Variants in C11orf91 observed in about 807,000 individuals in gnomAD.
The protein encoded by C11orf91 is uncharacterized protein C11orf91.
C11orf91 carries 10 observed loss-of-function variants against 14.3 expected under a neutral mutation model. The ratio of observed to expected loss-of-function variants is 0.70; its 90% CI spans 0.43 to 1.18. The LOEUF (loss-of-function observed/expected upper bound fraction) is 1.18, where lower values mean the gene tolerates loss of function less well. C11orf91 is among the 50% of genes most tolerant of loss of function. The probability of loss-of-function intolerance (pLI) is 0.00; values close to 1 mark genes in which losing one functional copy is unlikely to be tolerated. For synonymous variants in C11orf91, 141 were observed against 130.6 expected, an observed-to-expected ratio of 1.08 and a Z score of -0.54; for missense variants, 236 against 269.0, an observed-to-expected ratio of 0.88 and a Z score of 0.86.
At chr11:33,701,182 A>G (rs1488405667), upstream of C11orf91, among the ~76,000 whole-genome samples, 1 of 152,244 alleles carries the variant, frequency 6.6e-6, no homozygotes, top group Admixed American at 6.5e-5. Context: ...TGGCCCCTGC[A>G]CCAGCAGACT....
At chr11:33,705,585 CA>C (rs984994021), upstream of C11orf91, 4 of 152,266 alleles carry the variant, frequency 2.6e-5, no homozygotes, top group African/African-American at 9.7e-5. Context: ...GGCCTTTGGC[CA>C]CAGACTGAAG....
At position 33,699,370 on chromosome 11, in the gene C11orf91, G is replaced by T. The variant is rs575792763; in HGVS notation, c.497-856C>A. On this transcript the variant is annotated intron_variant, in intron 1 of 1. Coordinates refer to ENST00000379011, the MANE Select transcript of C11orf91 (RefSeq NM_001166692.2). ...GAAGCCAACTTAAGCCGTTATATAC[G>T]ATAGTTGGAATGATCTTTTTAGAAC... Among the ~76,000 whole-genome samples, 3 of 152,228 alleles carry T rather than the reference G, an allele frequency of 2.0e-5. No individual in the cohort carries two copies. In the East Asian group the frequency reaches 5.8e-4, roughly 29 times the overall value.
At chr11:33,699,943 A>C (rs1040964752) in intron 1 of C11orf91, among the ~76,000 whole-genome samples, 10 of 151,444 alleles carry the variant, frequency 6.6e-5, no homozygotes, top group African/African-American at 2.5e-4. Context: ...AAAGTTCAGG[A>C]CGGGGTGGTG....
At position 33,700,522 on chromosome 11, in the gene C11orf91, C is replaced by T; in HGVS notation, c.219G>A (p.Ala73=). ...GGCCGGGTGGTGGCGGGGGCGGGGG[C>T]GCCGGGGCGGGGAGCGCCTGGGACA... ...RSLSQALPAP[A]PPPPPPPGLG... is the part of the protein sequence containing the mutation. The change falls in exon 1 of 2, where the codon GCG becomes GCA. Residue 73 remains alanine, a synonymous_variant. Coordinates refer to ENST00000379011, the MANE Select transcript of C11orf91 (RefSeq NM_001166692.2). 2 of 1,303,442 alleles carry T rather than the reference C, an allele frequency of 1.5e-6. No homozygotes were observed. Among genetic ancestry groups the T allele is most frequent in the East Asian group, 3.3e-5 (1 of 29,992 alleles). The allele number at this position is 1,303,442 out of a possible 1,614,324, so 80.7% of individuals were successfully genotyped here.
chr11:33,699,687 G>T (rs965194613), intron 1 of C11orf91: 1 of 455,418 alleles, frequency 2.2e-6, no homozygotes. Context: ...CAAGGCCACA[G>T]AGTCCCAGGG....
At chr11:33,702,104 A>G (rs1853137340), upstream of C11orf91, among the ~76,000 whole-genome samples, 1 of 152,116 alleles carries the variant, frequency 6.6e-6, no homozygotes, top group Non-Finnish European at 1.5e-5. Context: ...GTTTATTCAT[A>G]CAAGTGATCA....
chr11:33,699,250 A>T (rs1271410709), intron 1 of C11orf91, among the ~76,000 whole-genome samples: 1 of 152,166 alleles, frequency 6.6e-6, no homozygotes, highest in Non-Finnish European at 1.5e-5. Context: ...GAAAGGGTGC[A>T]TTACAGTGTG....
chr11:33,700,814 T>A lies in C11orf91; in HGVS notation c.-74A>T. 2 of 1,238,956 alleles carry A rather than the reference T, an allele frequency of 1.6e-6. No homozygotes were observed. Among genetic ancestry groups the A allele is most frequent in the East Asian group, 3.2e-5 (1 of 31,606 alleles). 76.7% of individuals were successfully genotyped at this position (1,238,956 alleles called of 1,614,324 possible). A position where few individuals can be genotyped will look rare whatever the true frequency, so the allele number is the denominator to read the frequency against. On this transcript the variant is annotated 5_prime_UTR_variant, in exon 1 of 2. Transcript: ENST00000379011. ...CGCTCAGGCCCCGAGTCGCCGGGGT[T>A]TCGAGGTTCCACAAGCCCCGCCCCG...
chr11:33,702,680 CT>C (rs766040246), upstream of C11orf91: 7 of 339,350 alleles, frequency 2.1e-5, no homozygotes, highest in Middle Eastern at 3.7e-4. Context: ...GCGTAATAAA[CT>C]TTGTCTTCTG....
upstream of C11orf91, chr11:33,703,193 T>A (rs989363831): frequency 6.6e-6 from 1 of 151,872 alleles, no homozygotes. Flanking sequence ...AGCCAGGGGG[T>A]TAAATAAGAA....
chr11:33,700,115 A>T, intron 1 of C11orf91, 130 bp downstream of exon 1: 3 of 970,938 alleles, frequency 3.1e-6, no homozygotes, highest in South Asian at 3.4e-5. Flanking sequence ...GTGCTAGGGG[A>T]TAGATTTTGG....
intron 1 of C11orf91, chr11:33,699,589 C>T (rs973269472): frequency 2.2e-6 from 1 of 456,184 alleles, no homozygotes; most frequent in South Asian, 1.5e-5. Context: ...GGATCCTGCC[C>T]GCATCAGCAC....
At chr11:33,701,754 AGTGTGTGT>A (rs35903408), upstream of C11orf91, among the ~76,000 whole-genome samples, 28 of 149,026 alleles carry the variant, frequency 1.9e-4, no homozygotes, top group African/African-American at 5.9e-4. Flanking sequence ...CACAGTGCAA[AGTGTGTGT>A]GTGTGTGTGT....
chr11:33,700,852 C>G, upstream of C11orf91: 1 of 1,050,604 alleles, frequency 9.5e-7, no homozygotes, highest in Non-Finnish European at 1.2e-6. Context: ...GGAGCGCGGC[C>G]CCACCCTTTC....
chr11:33,701,353 G>T (rs1038691212), upstream of C11orf91, among the ~76,000 whole-genome samples: 8 of 152,256 alleles, frequency 5.3e-5, no homozygotes, highest in African/African-American at 1.9e-4. Flanking sequence ...TAGCAGTGTT[G>T]AGGAAGATTC....
chr11:33,700,152 A>G (rs1853096222), intron 1 of C11orf91, 93 bp downstream of exon 1: 8 of 1,379,834 alleles, frequency 5.8e-6, no homozygotes, highest in Non-Finnish European at 6.7e-6. Context: ...GGCTGGAGTC[A>G]AACCAGGCTA....
At chr11:33,704,381 G>T (rs146600210), upstream of C11orf91, 1 of 152,242 alleles carries the variant, frequency 6.6e-6, no homozygotes, top group African/African-American at 2.4e-5. Context: ...TTATTATACA[G>T]TTACACATGG....
chr11:33,704,270 T>C (rs1219462979), upstream of C11orf91: 1 of 152,208 alleles, frequency 6.6e-6, no homozygotes, highest in Non-Finnish European at 1.5e-5. Context: ...CTCTGATCTA[T>C]AAAATGAAGA....
At chr11:33,698,606 CT>C in intron 1 of C11orf91, 92 bp from the exon 2 acceptor site, 1 of 875,364 alleles carries the variant, frequency 1.1e-6, no homozygotes, top group Non-Finnish European at 1.8e-6. Context: ...ACTGTGCTTC[CT>C]CGACCCTAAA....
Sources: allele counts gnomAD v4.1 joint callset (sites outside exome capture counted in the v4.1 genomes callset), GRCh38; gene constraint gnomAD v4.1.1; transcripts MANE v1.5; gene names NCBI Gene and HGNC (gene_info 2026-07-23, HGNC 2026-07-21).